BORCS5: variants seen among roughly 807,000 people sequenced by gnomAD.
BORCS5 encodes BLOC-1 related complex subunit 5, also known as BLOC-1-related complex subunit 5.
In BORCS5, 17 loss-of-function variants were observed where a neutral mutation model predicts 22.1. The observed-to-expected ratio is 0.77, with a 90% confidence interval of 0.53 to 1.15. The LOEUF (loss-of-function observed/expected upper bound fraction) is 1.15. Among genes scored for constraint, BORCS5 ranks in the 50% most tolerant of loss-of-function variants. The probability of loss-of-function intolerance (pLI) is 0.00; values close to 1 mark genes in which losing one functional copy is unlikely to be tolerated. For missense variants in BORCS5, 247 were observed against 253.2 expected, an observed-to-expected ratio of 0.98 and a Z score of 0.17; for synonymous variants, 117 against 99.8, an observed-to-expected ratio of 1.17 and a Z score of -1.03.
At chr12:12,434,935 T>G (rs1161446857) in intron 2 of BORCS5, among the ~76,000 whole-genome samples, 1 of 152,220 alleles carries the variant, frequency 6.6e-6, no homozygotes, top group Non-Finnish European at 1.5e-5. Context: ...TGGGCATCAT[T>G]TGGCCTCTTC....
At chr12:12,403,563 A>G (rs149521560) in intron 2 of BORCS5, among the ~76,000 whole-genome samples, 5 of 152,242 alleles carry the variant, frequency 3.3e-5, no homozygotes, top group Non-Finnish European at 7.4e-5. Context: ...TTTCCCGAGT[A>G]TTATCAACTA....
At chr12:12,411,571 T>G (rs866883505) in intron 2 of BORCS5, among the ~76,000 whole-genome samples, 1 of 152,198 alleles carries the variant, frequency 6.6e-6, no homozygotes, top group Non-Finnish European at 1.5e-5. Context: ...GCCTTTTTAC[T>G]CTGTTGATAG....
At position 12,415,135 on chromosome 12, in the gene BORCS5, C is replaced by T. The variant is rs1369799817; in HGVS notation, c.203-20493C>T. Among the ~76,000 whole-genome samples, 14 of 151,916 alleles carry T rather than the reference C, an allele frequency of 9.2e-5. No homozygotes were observed. The East Asian group carries it at 2.7e-3, about 30-fold the overall frequency. On this transcript the variant is annotated intron_variant, in intron 2 of 3. Coordinates refer to ENST00000314565, the MANE Select transcript of BORCS5 (RefSeq NM_058169.6). ...GGCCAGGCAGAGACGCTCCTCACTT[C>T]CCAGACGGGGTGGCGGCTGGGCAGA...
At chr12:12,399,202 A>G (rs968438785) in intron 2 of BORCS5, among the ~76,000 whole-genome samples, 6 of 152,196 alleles carry the variant, frequency 3.9e-5, no homozygotes, top group Non-Finnish European at 8.8e-5. Flanking sequence ...ATACTGTAGC[A>G]TAGGTTTCAT....
At chr12:12,458,844 C>T (rs373562067) in intron 3 of BORCS5, among the ~76,000 whole-genome samples, 2 of 151,248 alleles carry the variant, frequency 1.3e-5, no homozygotes, top group East Asian at 2.0e-4. Flanking sequence ...TGGTAGCACA[C>T]GCCTGTAATC....
At chr12:12,383,856 T>TTTCA (rs1427424153) in intron 2 of BORCS5, among the ~76,000 whole-genome samples, 1 of 151,396 alleles carries the variant, frequency 6.6e-6, no homozygotes, top group African/African-American at 2.4e-5. Flanking sequence ...GATTAATATT[T>TTTCA]TTCATCAGAT....
At chr12:12,445,806 A>ATT (rs1174003674) in intron 3 of BORCS5, among the ~76,000 whole-genome samples, 43 of 127,410 alleles carry the variant, frequency 3.4e-4, no homozygotes, top group Admixed American at 4.7e-4. Flanking sequence ...GCTGACTTTA[A>ATT]TTTTTTTTTT....
In BORCS5 at chr12:12,437,350, A is replaced by G. The variant is rs527425379; in HGVS notation, c.360+1565A>G. ...TTGTGATGCCTCCCCAGCCATGTGG[A>G]ACTGTGAGTCAACTAAACCTCTTTC... is the stretch of plus-strand genomic sequence containing the variant. On this transcript the variant is annotated intron_variant, in intron 3 of 3. Transcript: ENST00000314565. Among the ~76,000 whole-genome samples the G allele has an allele frequency of 2.0e-5, 3 of 152,302 alleles. No homozygotes were observed. In the East Asian group the frequency reaches 5.8e-4, roughly 29 times the overall value.
chr12:12,381,086 A>G (rs1383348092), intron 2 of BORCS5, among the ~76,000 whole-genome samples: 2 of 143,314 alleles, frequency 1.4e-5, no homozygotes, highest in African/African-American at 2.7e-5. Context: ...ATCTCAGCTC[A>G]CTGCAAACTC....
chr12:12,368,924 T>TAATG (rs1863462764), intron 2 of BORCS5, among the ~76,000 whole-genome samples: 1 of 152,182 alleles, frequency 6.6e-6, no homozygotes, highest in African/African-American at 2.4e-5. Flanking sequence ...GTTCTGTAGT[T>TAATG]AATGGGTATA....
intron 2 of BORCS5, among the ~76,000 whole-genome samples, chr12:12,402,897 G>A (rs148387108): frequency 4.6e-5 from 7 of 152,244 alleles, no homozygotes; most frequent in African/African-American, 1.7e-4. Context: ...AGTTGTATAC[G>A]TGAACGTTGG....
intron 3 of BORCS5, among the ~76,000 whole-genome samples, chr12:12,452,811 C>T (rs184687910): frequency 6.6e-6 from 1 of 152,290 alleles, no homozygotes; most frequent in African/African-American, 2.4e-5. Context: ...TGGAGAGGGT[C>T]GGACAGCCAG....
chr12:12,431,886 G>A (rs530696914), intron 2 of BORCS5, among the ~76,000 whole-genome samples: 5 of 151,528 alleles, frequency 3.3e-5, no homozygotes, highest in African/African-American at 1.2e-4. Flanking sequence ...TAGAGATGGG[G>A]TTTCACCGTG....
At chr12:12,364,898 T>G (rs1863371714) in intron 2 of BORCS5, among the ~76,000 whole-genome samples, 1 of 151,990 alleles carries the variant, frequency 6.6e-6, no homozygotes, top group Non-Finnish European at 1.5e-5. Context: ...GCCCTAGAGG[T>G]GGAGGTTGCA....
chr12:12,393,885 T>G (rs1190608520), intron 2 of BORCS5, among the ~76,000 whole-genome samples: 1 of 151,976 alleles, frequency 6.6e-6, no homozygotes, highest in Non-Finnish European at 1.5e-5. Flanking sequence ...AATATACCAA[T>G]TAGAACAGAA....
Position 12,470,419 on chromosome 12 carries a change from C to T in BORCS5, c.*4643C>T, listed in dbSNP as rs1401137848. Among the ~76,000 whole-genome samples, 1 of 152,146 alleles carries T rather than the reference C, an allele frequency of 6.6e-6. No individual in the cohort carries two copies. Among genetic ancestry groups the T allele is most frequent in the African/African-American group, 2.4e-5 (1 of 41,430 alleles). ...CCCATCACTCACATCACTGCCTGAGCTCCACCTCCTGTCAGAACAGACCCA... is the reference window on the plus strand; with the variant it reads ...CCCATCACTCACATCACTGCCTGAGTTCCACCTCCTGTCAGAACAGACCCA... On this transcript the variant is annotated 3_prime_UTR_variant, in exon 4 of 4. Coordinates refer to ENST00000314565, the MANE Select transcript of BORCS5 (RefSeq NM_058169.6).
intron 3 of BORCS5, among the ~76,000 whole-genome samples, chr12:12,457,667 C>G (rs1245476092): frequency 6.6e-6 from 1 of 152,234 alleles, no homozygotes; most frequent in Non-Finnish European, 1.5e-5. Flanking sequence ...TCCCCACAAA[C>G]TCTGAGTCAC....
intron 3 of BORCS5, among the ~76,000 whole-genome samples, chr12:12,465,080 T>G (rs543330424): frequency 2.6e-5 from 4 of 152,186 alleles, no homozygotes; most frequent in African/African-American, 9.6e-5. Flanking sequence ...CAAGCCATCC[T>G]CCCACCTCAG....
intron 2 of BORCS5, among the ~76,000 whole-genome samples, chr12:12,378,982 T>C (rs1170981644): frequency 6.6e-6 from 1 of 151,284 alleles, no homozygotes; most frequent in East Asian, 1.9e-4. Flanking sequence ...CTTGAATTTC[T>C]GGGCTCAAGG....
Sources: gnomAD v4.1 joint callset for allele counts (sites outside exome capture counted in the v4.1 genomes callset) on GRCh38, gnomAD v4.1.1 for gene constraint, MANE v1.5 for transcripts, NCBI Gene and HGNC (gene_info 2026-07-23, HGNC 2026-07-21) for gene names.